Variants in LTBP1 observed in about 807,000 individuals in gnomAD.
LTBP1 encodes the protein latent transforming growth factor beta binding protein 1, also known as latent-transforming growth factor beta-binding protein 1.
LTBP1 carries 129 observed loss-of-function variants against 207.6 expected under a neutral mutation model. The observed-to-expected ratio is 0.62, with a 90% CI of 0.54 to 0.72. The LOEUF is 0.72. Among genes scored for constraint, LTBP1 ranks in the 30% least tolerant of loss-of-function variants. LTBP1 has a pLI of 0.00. For missense variants in LTBP1, 2,281 were observed against 2,217.2 expected (o/e 1.03, Z -0.58); for synonymous variants, 963 against 833.7 (o/e 1.16, Z -2.67).
At chr2:33,169,294 G>A (rs751743779) in intron 5 of LTBP1, among the ~76,000 whole-genome samples, 6 of 152,000 alleles carry the variant, frequency 3.9e-5, no homozygotes, top group East Asian at 3.9e-4. Context: ...AACTCCACCC[G>A]AAACTGCCAC....
intron 5 of LTBP1, among the ~76,000 whole-genome samples, chr2:33,179,427 T>C (rs1356308269): frequency 6.6e-6 from 1 of 151,782 alleles, no homozygotes; most frequent in African/African-American, 2.4e-5. Flanking sequence ...TATTTTTACA[T>C]CTGATGTCAA....
At chr2:33,312,755 A>G (rs2094206389) in intron 23 of LTBP1, among the ~76,000 whole-genome samples, 1 of 152,190 alleles carries the variant, frequency 6.6e-6, no homozygotes, top group Non-Finnish European at 1.5e-5. Context: ...TGTGTTAATC[A>G]GTGACTTTTT....
chr2:33,113,012 A>G (rs571929516), intron 4 of LTBP1, among the ~76,000 whole-genome samples: 4 of 152,328 alleles, frequency 2.6e-5, no homozygotes, highest in African/African-American at 9.6e-5. Context: ...TCTTTAGAAA[A>G]ATAGAAGATA....
chr2:33,392,863 A>C, intron 32 of LTBP1, among the ~76,000 whole-genome samples: 1 of 151,186 alleles, frequency 6.6e-6, no homozygotes. Context: ...ACTGGCTTTG[A>C]GTATGTGGTG....
chr2:33,309,963 T>TC (rs200168653), intron 23 of LTBP1, among the ~76,000 whole-genome samples: 2,181 of 151,610 alleles, frequency 0.014, 59 homozygotes, highest in African/African-American at 0.05. Flanking sequence ...TTTTTTTTTT[T>TC]TGAGACAGAG....
chr2:32,993,404 C>T (rs1377530507), intron 2 of LTBP1, among the ~76,000 whole-genome samples: 1 of 152,172 alleles, frequency 6.6e-6, no homozygotes, highest in Admixed American at 6.5e-5. Flanking sequence ...TTTTTATACA[C>T]ACACATATGC....
intron 31 of LTBP1, among the ~76,000 whole-genome samples, chr2:33,387,552 C>T (rs1185780586): frequency 6.6e-6 from 1 of 152,114 alleles, no homozygotes; most frequent in East Asian, 1.9e-4. Flanking sequence ...AGAATCCTAC[C>T]CTATCCAGTG....
At chr2:33,119,842 G>A (rs1327814353) in intron 4 of LTBP1, among the ~76,000 whole-genome samples, 1 of 152,208 alleles carries the variant, frequency 6.6e-6, no homozygotes, top group Non-Finnish European at 1.5e-5. Flanking sequence ...ATAGACGAGA[G>A]CACTGCGCCT....
Position 33,222,148 on chromosome 2 carries a change from C to G in LTBP1, c.1873C>G (p.Gln625Glu). Residue 625 changes from glutamine (Q) to glutamate (E), a missense_variant, in exon 9 of 34, where the codon CAA becomes GAA. This residue lies in a region of LTBP1 where 1,671 missense variants were observed against 1,634.8 expected (regional missense o/e 1.02). Transcript: ENST00000404816. Reference sequence around the variant, plus strand: ...TAAGCGGGTTAACAACACCTTTTGCCAAGGTAAGACTAACTGAATTCATTG... The same window carrying G: ...TAAGCGGGTTAACAACACCTTTTGCGAAGGTAAGACTAACTGAATTCATTG... ...GYKRVNNTFCQDINECQLQGV... is the reference protein window; with the variant it reads ...GYKRVNNTFCEDINECQLQGV... 6.2e-7 allele frequency: 1 copy of G among 1,605,324 alleles called. No homozygotes were observed. The highest frequency in any genetic ancestry group is 8.5e-7 in the Non-Finnish European group (1 of 1,171,898).
intron 2 of LTBP1, among the ~76,000 whole-genome samples, chr2:32,990,085 A>G (rs561133954): frequency 6.6e-6 from 1 of 152,348 alleles, no homozygotes; most frequent in Admixed American, 6.5e-5. Flanking sequence ...AGCCTGGGTG[A>G]CAGAGCAAGA....
chr2:33,279,215 A>G (rs552652440), intron 18 of LTBP1, among the ~76,000 whole-genome samples: 2 of 152,232 alleles, frequency 1.3e-5, no homozygotes, highest in East Asian at 1.9e-4. Context: ...GCTAGAAGCC[A>G]TGGTGTTAAC....
At chr2:33,222,285 A>G (rs2091160726) in intron 9 of LTBP1, 134 bp downstream of exon 9, 4 of 639,464 alleles carry the variant, frequency 6.3e-6, no homozygotes, top group South Asian at 3.7e-5. Context: ...CCTTTTGGCT[A>G]AGGAAATGTA....
chr2:33,103,361 G>A (rs113672156), intron 3 of LTBP1, among the ~76,000 whole-genome samples: 11,827 of 152,012 alleles, frequency 0.078, 993 homozygotes, highest in East Asian at 0.45. Flanking sequence ...CCTGTATGCC[G>A]TATACATTGT....
At chr2:33,394,235 T>G (rs1558355753) in intron 32 of LTBP1, among the ~76,000 whole-genome samples, 2 of 152,170 alleles carry the variant, frequency 1.3e-5, no homozygotes, top group African/African-American at 2.4e-5. Flanking sequence ...TTTTCTCCCA[T>G]TCTGTAGGTT....
chr2:33,292,259 G>C (rs768552442), intron 19 of LTBP1, among the ~76,000 whole-genome samples: 1 of 152,130 alleles, frequency 6.6e-6, no homozygotes, highest in Non-Finnish European at 1.5e-5. Flanking sequence ...CAATATAAAT[G>C]CTGTGTTAGC....
intron 2 of LTBP1, among the ~76,000 whole-genome samples, chr2:32,978,546 G>A (rs1419733223): frequency 6.6e-6 from 1 of 151,914 alleles, no homozygotes; most frequent in Non-Finnish European, 1.5e-5. Flanking sequence ...CCCGGGATAA[G>A]TCCCACTTGG....
intron 32 of LTBP1, among the ~76,000 whole-genome samples, chr2:33,390,520 G>A (rs545786119): frequency 4.6e-5 from 7 of 151,228 alleles, no homozygotes; most frequent in South Asian, 2.1e-4. Flanking sequence ...ATAGGGTCTC[G>A]CTCTGTTGCC....
At chr2:33,116,337 T>C (rs955219094) in intron 4 of LTBP1, among the ~76,000 whole-genome samples, 3 of 152,236 alleles carry the variant, frequency 2.0e-5, no homozygotes, top group African/African-American at 7.2e-5. Context: ...GTTACTTATA[T>C]TTCAAAGTCA....
intron 2 of LTBP1, among the ~76,000 whole-genome samples, chr2:33,004,816 A>ATATATATATATATATATATAT (rs1558501569): frequency 4.2e-5 from 3 of 72,038 alleles, no homozygotes; most frequent in East Asian, 1.2e-3. Context: ...TATATATATA[A>ATATATATATATATATATATAT]ACATAAAATT....
Sources: allele counts gnomAD v4.1 joint callset (sites outside exome capture counted in the v4.1 genomes callset), GRCh38; gene constraint gnomAD v4.1.1; regional missense constraint gnomAD v4.1.1; transcripts MANE v1.5; gene names NCBI Gene and HGNC (gene_info 2026-07-23, HGNC 2026-07-21).